Variants in SNTB2 observed in about 807,000 individuals in gnomAD.
SNTB2 encodes the protein syntrophin beta 2.
A neutral mutation model predicts 46.2 loss-of-function variants in SNTB2; 34 were observed. That is an observed-to-expected ratio of 0.74 (90% CI 0.56 to 0.98). The LOEUF (loss-of-function observed/expected upper bound fraction) is 0.98. Among genes scored for constraint, SNTB2 ranks in the 50% least tolerant of loss-of-function variants. The probability of loss-of-function intolerance (pLI) is 0.00; values close to 1 mark genes in which losing one functional copy is unlikely to be tolerated. For missense variants in SNTB2, 603 were observed against 731.4 expected, an observed-to-expected ratio of 0.82 and a Z score of 2.02; for synonymous variants, 290 against 312.6, an observed-to-expected ratio of 0.93 and a Z score of 0.76.
At chr16:69,281,341 C>T (rs1179315154) in intron 4 of SNTB2, among the ~76,000 whole-genome samples, 1 of 151,894 alleles carries the variant, frequency 6.6e-6, no homozygotes, top group Non-Finnish European at 1.5e-5. Flanking sequence ...AAGCGATTCT[C>T]CTGTCTCAGC....
In SNTB2 at chr16:69,306,133, T is replaced by C. The variant is rs968368952; in HGVS notation, c.*5209T>C. ...CTTTCTCTAAAAAAACAAAAACATC[T>C]GGCAGATGAGTGACACAAATTCATT... On this transcript the variant is annotated 3_prime_UTR_variant, in exon 7 of 7. Transcript: ENST00000336278. 1.3e-5 allele frequency: 2 copies of C among 152,194 alleles called. No individual in the cohort carries two copies. The highest frequency in any genetic ancestry group is 4.8e-5 in the African/African-American group (2 of 41,440). The allele number at this position is 152,194 out of a possible 1,614,324, so 9.4% of individuals were successfully genotyped here.
chr16:69,287,245 G>C (rs565542645), intron 5 of SNTB2, among the ~76,000 whole-genome samples: 152 of 151,538 alleles, frequency 1.0e-3, no homozygotes, highest in Non-Finnish European at 1.9e-3. Flanking sequence ...ATTGTTTTTG[G>C]CTTTGGACAA....
At chr16:69,255,572 A>G (rs1187171088) in intron 2 of SNTB2, among the ~76,000 whole-genome samples, 3 of 144,788 alleles carry the variant, frequency 2.1e-5, no homozygotes, top group Non-Finnish European at 4.6e-5. Flanking sequence ...AAAAAAAAAA[A>G]AGAAAGAAAG....
intron 2 of SNTB2, among the ~76,000 whole-genome samples, chr16:69,255,358 C>T (rs1044487570): frequency 2.0e-5 from 3 of 151,976 alleles, no homozygotes; most frequent in Admixed American, 6.6e-5. Flanking sequence ...GTCAGGAGAT[C>T]GAAACCATCT....
chr16:69,280,068 C>T (rs1036515506), intron 4 of SNTB2, among the ~76,000 whole-genome samples: 3 of 152,104 alleles, frequency 2.0e-5, no homozygotes, highest in Non-Finnish European at 2.9e-5. Context: ...TGACTCTTAA[C>T]GAGCATGCTG....
chr16:69,278,874 GA>G (rs1316417820), intron 4 of SNTB2, among the ~76,000 whole-genome samples: 14 of 148,758 alleles, frequency 9.4e-5, no homozygotes, highest in African/African-American at 7.5e-5. Flanking sequence ...TTTATTGATG[GA>G]CAGAGGTGGG....
chr16:69,282,326 GA>G (rs2143155093), intron 4 of SNTB2, among the ~76,000 whole-genome samples: 1 of 151,210 alleles, frequency 6.6e-6, no homozygotes, highest in South Asian at 2.1e-4. Flanking sequence ...AAAAGCGCTG[GA>G]ATTACAGACA....
intron 1 of SNTB2, among the ~76,000 whole-genome samples, chr16:69,191,703 C>T (rs541479319): frequency 2.0e-5 from 3 of 151,744 alleles, no homozygotes; most frequent in Middle Eastern, 3.4e-3. Flanking sequence ...TGCAGTGGTG[C>T]GATCTCAGCT....
Position 69,187,378 on chromosome 16 carries a change from A to C in SNTB2, c.212A>C (p.Asn71Thr). The C allele has an allele frequency of 2.2e-6, 3 of 1,344,874 alleles. No individual in the cohort carries two copies. Among genetic ancestry groups the C allele is most frequent in the Non-Finnish European group, 2.9e-6 (3 of 1,050,366 alleles). 83.3% of individuals were successfully genotyped at this position (1,344,874 alleles called of 1,614,324 possible). A position where few individuals can be genotyped will look rare whatever the true frequency, so the allele number is the denominator to read the frequency against. Residue 71 changes from asparagine (N) to threonine (T), a missense_variant, in exon 1 of 7, where the codon AAC (asparagine) becomes ACC (threonine). Around this residue, in one of 2 missense-constraint regions of SNTB2, gnomAD observed 537 missense variants for 692.4 expected, o/e 0.78. Coordinates refer to ENST00000336278, the MANE Select transcript of SNTB2 (RefSeq NM_006750.4). ...PALGPAAAAFNGLPNGGGAGD... is the reference protein window; with the variant it reads ...PALGPAAAAFTGLPNGGGAGD... ...CTGGGACCCGCGGCCGCCGCCTTCAACGGCCTCCCAAACGGCGGCGGCGCG... is the reference window on the plus strand; with the variant it reads ...CTGGGACCCGCGGCCGCCGCCTTCACCGGCCTCCCAAACGGCGGCGGCGCG...
intron 1 of SNTB2, among the ~76,000 whole-genome samples, chr16:69,215,593 G>A (rs761600485): frequency 7.2e-5 from 11 of 152,158 alleles, no homozygotes; most frequent in Non-Finnish European, 1.5e-5. Flanking sequence ...TTAAAGATTT[G>A]TGGATGTGTG....
intron 1 of SNTB2, among the ~76,000 whole-genome samples, chr16:69,211,876 T>G (rs1180273291): frequency 6.6e-6 from 1 of 152,214 alleles, no homozygotes; most frequent in African/African-American, 2.4e-5. Flanking sequence ...TCCTCTGAAG[T>G]TTGCAGTCTG....
At chr16:69,275,061 C>T (rs1188979708) in intron 4 of SNTB2, among the ~76,000 whole-genome samples, 1 of 150,166 alleles carries the variant, frequency 6.7e-6, no homozygotes, top group Non-Finnish European at 1.5e-5. Flanking sequence ...TCCTCTCTCT[C>T]TCCTTCCTTC....
At chr16:69,269,586 T>A (rs1964919296) in intron 3 of SNTB2, among the ~76,000 whole-genome samples, 1 of 152,222 alleles carries the variant, frequency 6.6e-6, no homozygotes. Context: ...TGGAAAATAT[T>A]TTATTCAACT....
At chr16:69,206,660 C>T (rs1302851636) in intron 1 of SNTB2, among the ~76,000 whole-genome samples, 1 of 149,432 alleles carries the variant, frequency 6.7e-6, no homozygotes, top group Non-Finnish European at 1.5e-5. Flanking sequence ...CATTGCACTC[C>T]AGCCTGGGCA....
chr16:69,239,342 A>G (rs1964588099), intron 1 of SNTB2, among the ~76,000 whole-genome samples: 7 of 152,180 alleles, frequency 4.6e-5, no homozygotes, highest in Admixed American at 4.6e-4. Context: ...TTTTGTAATT[A>G]TCATACTGTA....
rs528442909 is a variant in SNTB2, at chr16:69,285,840, TG to T, written c.1345+1598del. ...TGGAGTCTCACTCTGTCGCCCAGGC[TG>T]GAGTGCAGTGGCATGATCTCAGCTC... On this transcript the variant is annotated intron_variant, in intron 5 of 6. Coordinates refer to ENST00000336278, the MANE Select transcript of SNTB2 (RefSeq NM_006750.4). Among the ~76,000 whole-genome samples, 411 of 152,174 alleles carry T rather than the reference TG, an allele frequency of 2.7e-3. 3 individuals are homozygous for T. Among genetic ancestry groups the T allele is most frequent in the South Asian group, 4.8e-3 (23 of 4,820 alleles).
chr16:69,260,245 C>T lies in SNTB2; in HGVS notation c.990C>T (p.Ala330=). ...AGGSKEVKHI[A]WLAEQAKLDG... ...GCAGTAAAGAGGTGAAGCATATTGC[C>T]TGGCTGGCAGAACAGGTAGGCTGGG... Residue 330 remains alanine (A), a synonymous_variant, in exon 3 of 7, where the codon GCC becomes GCT. Coordinates refer to ENST00000336278, the MANE Select transcript of SNTB2 (RefSeq NM_006750.4). The T allele has an allele frequency of 6.2e-7, 1 of 1,614,130 alleles. No homozygotes were observed. Among genetic ancestry groups the T allele is most frequent in the Non-Finnish European group, 8.5e-7 (1 of 1,180,014 alleles).
chr16:69,300,924 A>T lies in SNTB2; in HGVS notation c.1623A>T (p.Ter541CysextTer42). Residue 541 changes from the stop codon to cysteine, a stop_lost, in exon 7 of 7, where the codon TGA becomes TGT. Coordinates refer to ENST00000336278, the MANE Select transcript of SNTB2 (RefSeq NM_006750.4). The stretch of plus-strand genomic sequence containing the variant: ...TCACTCGTATGGGACTGCTTGTATG[A>T]GCAACAAAAAATCAGAAAAGAGCCT... ...AKVTRMGLLV[*>C] The T allele has an allele frequency of 6.3e-7, 1 of 1,593,310 alleles. No homozygotes were observed. The highest frequency in any genetic ancestry group is 8.6e-7 in the Non-Finnish European group (1 of 1,162,184).
chr16:69,300,843 G>A lies in SNTB2; in HGVS notation c.1542G>A (p.Leu514=), dbSNP rs1965271650. 1 of 1,612,892 alleles carries A rather than the reference G, an allele frequency of 6.2e-7. No individual in the cohort carries two copies. The highest frequency in any genetic ancestry group is 1.1e-5 in the South Asian group (1 of 91,064). Residue 514 remains leucine (L), a synonymous_variant, in exon 7 of 7, where the codon CTG becomes CTA. Transcript: ENST00000336278. ...TCCTTTCTCCACAGACCATGGACCT[G>A]CACTCTTGTCCGAAGCCGATTGTAT... ...GGPEGELTMD[L]HSCPKPIVFV... is the part of the protein sequence containing the mutation.
Sources: allele counts gnomAD v4.1 joint callset (sites outside exome capture counted in the v4.1 genomes callset), GRCh38; gene constraint gnomAD v4.1.1; regional missense constraint gnomAD v4.1.1; transcripts MANE v1.5; gene names NCBI Gene and HGNC (gene_info 2026-07-23, HGNC 2026-07-21).